DLAT: variants seen among roughly 807,000 people sequenced by gnomAD.
The protein encoded by DLAT is dihydrolipoamide S-acetyltransferase, also known as dihydrolipoyllysine-residue acetyltransferase component of pyruvate dehydrogenase complex, mitochondrial.
In DLAT, 43 loss-of-function variants were observed where a neutral mutation model predicts 68.0. The ratio of observed to expected loss-of-function variants is 0.63; its 90% CI spans 0.50 to 0.81. The LOEUF (loss-of-function observed/expected upper bound fraction) is 0.81, where lower values mean the gene tolerates loss of function less well. Among genes scored for constraint, DLAT ranks in the 40% least tolerant of loss-of-function variants. The probability of loss-of-function intolerance (pLI) is 0.00; values close to 1 mark genes in which losing one functional copy is unlikely to be tolerated. For missense variants in DLAT, 745 were observed against 815.4 expected, an observed-to-expected ratio of 0.91 and a Z score of 1.05; for synonymous variants, 265 against 288.6, an observed-to-expected ratio of 0.92 and a Z score of 0.83.
intron 11 of DLAT, 42 bp from the exon 12 acceptor site, chr11:112,059,860 TA>T: frequency 6.7e-7 from 1 of 1,501,088 alleles, no homozygotes; most frequent in East Asian, 2.5e-5. Context: ...CACAGGCTCT[TA>T]ATAAACAGTT....
At chr11:112,035,426 A>T (rs1219615856) in intron 5 of DLAT, among the ~76,000 whole-genome samples, 2 of 152,138 alleles carry the variant, frequency 1.3e-5, no homozygotes, top group Non-Finnish European at 2.9e-5. Context: ...GTCACTAGAG[A>T]AGTGTTACCT....
Position 112,028,676 on chromosome 11 carries a change from C to T in DLAT, c.506+37C>T. ...GCTCATAATTTGTGGAACTTCATTG[C>T]TTGGTGGAGTATTTTACCCAGAATT... On this transcript the variant is annotated intron_variant, in intron 3 of 13. Transcript: ENST00000280346. 4.3e-6 allele frequency: 7 copies of T among 1,614,126 alleles called. No individual in the cohort carries two copies. In the South Asian group the frequency reaches 6.6e-5, roughly 15 times the overall value.
Position 112,038,359 on chromosome 11 carries a change from C to T in DLAT, c.976-885C>T, listed in dbSNP as rs587750196. ...GATTACAGGTGTTAGCCACCATGCC[C>T]GGCTAATTTTTTTATTTTTAGTAGA... On this transcript the variant is annotated intron_variant, in intron 6 of 13. Transcript: ENST00000280346. Among the ~76,000 whole-genome samples the T allele has an allele frequency of 3.6e-4, 54 of 151,728 alleles. 1 individual carries two copies. The highest frequency in any genetic ancestry group is 2.7e-3 in the Admixed American group (41 of 15,224).
intron 10 of DLAT, among the ~76,000 whole-genome samples, chr11:112,046,292 A>G (rs1412719032): frequency 4.6e-5 from 7 of 152,108 alleles, no homozygotes; most frequent in Admixed American, 4.6e-4. Flanking sequence ...TTAATTTTTT[A>G]TAGGTGGTGT....
Position 112,033,633 on chromosome 11 carries a change from T to C in DLAT, c.787+103T>C, listed in dbSNP as rs587645801. ...TGAGTGAGTGATAATATGAAAACTT[T>C]ATAATTCTTAGGATTCATTTTCTGG... On this transcript the variant is annotated intron_variant, in intron 5 of 13. Coordinates refer to ENST00000280346, the MANE Select transcript of DLAT (RefSeq NM_001931.5). 2.1e-5 allele frequency: 28 copies of C among 1,333,178 alleles called. No homozygotes were observed. In the African/African-American group the frequency reaches 3.6e-4, roughly 17 times the overall value. 82.6% of individuals were successfully genotyped at this position (1,333,178 alleles called of 1,614,324 possible).
intron 8 of DLAT, among the ~76,000 whole-genome samples, chr11:112,044,286 C>G (rs1863196406): frequency 6.6e-6 from 1 of 152,150 alleles, no homozygotes; most frequent in African/African-American, 2.4e-5. Context: ...CCTCTGCCTC[C>G]TGGATTCAGG....
intron 7 of DLAT, among the ~76,000 whole-genome samples, chr11:112,043,243 C>T (rs587772780): frequency 6.6e-6 from 1 of 152,096 alleles, no homozygotes; most frequent in South Asian, 2.1e-4. Context: ...AAGAAAAGAC[C>T]CACTCCAGAT....
At chr11:112,062,314 G>A in intron 13 of DLAT, 92 bp from the exon 14 acceptor site, 1 of 1,373,864 alleles carries the variant, frequency 7.3e-7, no homozygotes, top group Non-Finnish European at 1.0e-6. Context: ...ACCTGGTTGG[G>A]ATTATAGGGT....
rs781963805 is a variant in DLAT, at chr11:112,037,365, G to T, written c.880G>T (p.Val294Leu). The change falls in exon 6 of 14, where the codon GTA becomes TTA. Residue 294 changes from valine to leucine, a missense_variant. By Grantham distance (32) the Val-to-Leu change is conservative. Transcript: ENST00000280346. ...VPLGTPLCII[V>L]EKEADISAFA... The stretch of plus-strand genomic sequence containing the variant: ...TCTAGGAACCCCACTCTGTATCATT[G>T]TAGAAAAAGAGGCAGATATATCAGC... 1 of 1,614,154 alleles carries T rather than the reference G, an allele frequency of 6.2e-7. No individual in the cohort carries two copies. The highest frequency in any genetic ancestry group is 1.1e-5 in the South Asian group (1 of 91,082).
chr11:112,026,247 G>A lies in DLAT; in HGVS notation c.329G>A (p.Arg110His), dbSNP rs782556090. 9 of 1,605,480 alleles carry A rather than the reference G, an allele frequency of 5.6e-6. No homozygotes were observed. Among genetic ancestry groups the A allele is most frequent in the East Asian group, 2.2e-5 (1 of 44,754 alleles). ...SPTMQAGTIARWEKKEGDKIN... is the reference protein window; with the variant it reads ...SPTMQAGTIAHWEKKEGDKIN... ...ACAATGCAGGCAGGCACCATAGCCCGTTGGGAAAAAAAAGAGGGGGACAAA... is the reference window on the plus strand; with the variant it reads ...ACAATGCAGGCAGGCACCATAGCCCATTGGGAAAAAAAAGAGGGGGACAAA... Residue 110 changes from arginine (R) to histidine (H), a missense_variant, in exon 2 of 14, where the codon CGT becomes CAT. Transcript: ENST00000280346.
intron 4 of DLAT, among the ~76,000 whole-genome samples, chr11:112,029,190 A>G (rs1033158117): frequency 6.6e-6 from 1 of 152,228 alleles, no homozygotes; most frequent in Admixed American, 6.5e-5. Context: ...AATGCGTGGC[A>G]CTTTTCATTC....
chr11:112,028,203 T>C (rs1426022671), intron 2 of DLAT, among the ~76,000 whole-genome samples: 1 of 152,064 alleles, frequency 6.6e-6, no homozygotes, highest in African/African-American at 2.4e-5. Flanking sequence ...ATGAACTGTA[T>C]AATTCTAGAC....
chr11:112,029,678 A>G (rs1862290574), intron 4 of DLAT, among the ~76,000 whole-genome samples: 1 of 148,836 alleles, frequency 6.7e-6, no homozygotes, highest in South Asian at 2.1e-4. Flanking sequence ...AAAAAACTTT[A>G]TTTACACAGT....
chr11:112,026,114 A>C, intron 1 of DLAT, 84 bp from the exon 2 acceptor site: 1 of 1,094,862 alleles, frequency 9.1e-7, no homozygotes, highest in East Asian at 2.5e-5. Context: ...ACTTTGCATG[A>C]AATTGAATTG....
intron 13 of DLAT, 74 bp downstream of exon 13, chr11:112,061,248 G>T (rs904195072): frequency 1.9e-6 from 3 of 1,554,012 alleles, no homozygotes; most frequent in Non-Finnish European, 1.8e-6. Context: ...GGTATCCTCA[G>T]GGGATTGGCT....
intron 11 of DLAT, among the ~76,000 whole-genome samples, chr11:112,058,515 C>T (rs73568046): frequency 0.047 from 6,957 of 147,948 alleles, 430 homozygotes; most frequent in African/African-American, 0.14. Context: ...AACTTTTTCT[C>T]GATTGCAGAA....
At chr11:112,045,304 T>C in intron 9 of DLAT, 74 bp downstream of exon 9, 2 of 1,205,870 alleles carry the variant, frequency 1.7e-6, no homozygotes, top group African/African-American at 3.0e-5. Flanking sequence ...CCATAGTTTT[T>C]AACACATTAA....
chr11:112,030,032 C>G (rs1034049004), intron 4 of DLAT: 12 of 1,007,664 alleles, frequency 1.2e-5, no homozygotes, highest in Non-Finnish European at 1.7e-5. Context: ...CGCTGTTTGC[C>G]GTGGAAAGCA....
chr11:112,056,307 AC>A (rs1864073185), intron 11 of DLAT, among the ~76,000 whole-genome samples: 1 of 152,044 alleles, frequency 6.6e-6, no homozygotes. Context: ...AATTTTCATC[AC>A]CCCCAAAAGA....
Sources: allele counts gnomAD v4.1 joint callset (sites outside exome capture counted in the v4.1 genomes callset), GRCh38; gene constraint gnomAD v4.1.1; transcripts MANE v1.5; gene names NCBI Gene and HGNC (gene_info 2026-07-23, HGNC 2026-07-21).